The following LSM14A variants were observed in gnomAD, a reference collection of about 807,000 sequenced individuals.
LSM14A encodes the protein LSM14A mRNA processing body assembly factor.
Under a neutral mutation model 52.4 loss-of-function variants are expected in LSM14A, and 14 were observed. That is an observed-to-expected ratio of 0.27 (90% CI 0.18 to 0.42). LSM14A has a LOEUF of 0.42. Among genes scored for constraint, LSM14A ranks in the 10% least tolerant of loss-of-function variants. LSM14A has a pLI of 1.00. For synonymous variants in LSM14A, 185 were observed against 200.3 expected, an observed-to-expected ratio of 0.92 and a Z score of 0.64; for missense variants, 417 against 581.8, an observed-to-expected ratio of 0.72 and a Z score of 2.91.
At chr19:34,174,239 G>A (rs899357267) in intron 1 of LSM14A, among the ~76,000 whole-genome samples, 6 of 152,304 alleles carry the variant, frequency 3.9e-5, no homozygotes, top group African/African-American at 1.4e-4. Flanking sequence ...ATGAGCCACC[G>A]CGCCCAGCCT....
intron 1 of LSM14A, among the ~76,000 whole-genome samples, chr19:34,176,622 G>T (rs2069105990): frequency 6.6e-6 from 1 of 151,886 alleles, no homozygotes; most frequent in Non-Finnish European, 1.5e-5. Context: ...AGCTTTTATT[G>T]TTTCATAATA....
At chr19:34,178,286 T>C (rs971473351) in intron 1 of LSM14A, among the ~76,000 whole-genome samples, 1 of 152,222 alleles carries the variant, frequency 6.6e-6, no homozygotes, top group African/African-American at 2.4e-5. Flanking sequence ...AAATGGTCGA[T>C]GTGCCTTATT....
intron 9 of LSM14A, 44 bp from the exon 10 acceptor site, chr19:34,227,321 A>G: frequency 1.5e-6 from 2 of 1,332,218 alleles, no homozygotes. Flanking sequence ...AAAATAATAC[A>G]CCAATAATTT....
chr19:34,202,815 C>T (rs750798864), intron 3 of LSM14A, among the ~76,000 whole-genome samples: 4 of 152,024 alleles, frequency 2.6e-5, no homozygotes, highest in Non-Finnish European at 4.4e-5. Context: ...CCACCACGCC[C>T]GGGTAATTTT....
chr19:34,219,766 T>G lies in LSM14A; in HGVS notation c.1025T>G (p.Val342Gly). The change falls in exon 8 of 10, where the codon GTT (valine) becomes GGT (glycine). Residue 342 changes from valine to glycine, a missense_variant. Coordinates refer to ENST00000544216, the MANE Select transcript of LSM14A (RefSeq NM_015578.4). Reference protein sequence around the residue: ...VNGEDKGDSGVDTQNSEGNAD... With the variant: ...VNGEDKGDSGGDTQNSEGNAD... ...GGTGAAGATAAAGGAGACTCAGGAG[T>G]TGATACCCAAAACAGTGAAGGAAAT... The G allele has an allele frequency of 1.2e-6, 2 of 1,613,698 alleles. No homozygotes were observed. The highest frequency in any genetic ancestry group is 8.5e-7 in the Non-Finnish European group (1 of 1,179,818).
At chr19:34,180,199 G>A (rs1668697431) in intron 1 of LSM14A, among the ~76,000 whole-genome samples, 1 of 152,206 alleles carries the variant, frequency 6.6e-6, no homozygotes, top group African/African-American at 2.4e-5. Context: ...GATTACAGGT[G>A]TGAGCCACAG....
chr19:34,192,319 G>GTTGTTGTTTTTTTTTTTTTT (rs60512063), intron 1 of LSM14A, among the ~76,000 whole-genome samples: 2 of 53,408 alleles, frequency 3.7e-5, no homozygotes, highest in African/African-American at 8.1e-5. Flanking sequence ...TCTTTTTGTT[G>GTTGTTGTTTTTTTTTTTTTT]TTTTTTTTTT....
In LSM14A at chr19:34,219,689, T is replaced by C. The variant is rs747361621; in HGVS notation, c.965-17T>C. 2.4e-5 allele frequency: 38 copies of C among 1,597,872 alleles called. No homozygotes were observed. Among genetic ancestry groups the C allele is most frequent in the Middle Eastern group, 1.7e-4 (1 of 5,948 alleles). ...ATTAGCTGTCTTGACTTTTCTGATA[T>C]GTGCTTTTGTTCTTAGAAGATAAAC... On this transcript the variant is annotated splice_polypyrimidine_tract_variant and intron_variant, in intron 7 of 9. Coordinates refer to ENST00000544216, the MANE Select transcript of LSM14A (RefSeq NM_015578.4).
intron 4 of LSM14A, among the ~76,000 whole-genome samples, chr19:34,214,901 C>T (rs10420059): frequency 0.35 from 52,641 of 150,140 alleles, 9,652 homozygotes; most frequent in African/African-American, 0.4. Context: ...TGTTTTGAAG[C>T]TGTTGAAGTT....
At chr19:34,181,565 A>C (rs1425385567) in intron 1 of LSM14A, among the ~76,000 whole-genome samples, 12 of 152,062 alleles carry the variant, frequency 7.9e-5, no homozygotes, top group Admixed American at 7.2e-4. Flanking sequence ...TCTGTGAAGC[A>C]TTTTCTTAAC....
rs761597079 is a variant in LSM14A at position 34,221,571 on chromosome 19, C to T, written c.1201C>T (p.Arg401Cys). Residue 401 changes from arginine (R) to cysteine (C), a missense_variant, in exon 9 of 10, where the codon CGT (arginine) becomes TGT (cysteine). Arg to Cys is a radical substitution (Grantham distance 180, BLOSUM62 -3). Transcript: ENST00000544216. ...TGCTGAAACATTTGGAATCCCACTT[C>T]GTCCAAACCGTGGCCGTGGGGGATA... ...LNAETFGIPLRPNRGRGGYRG... is the reference protein window; with the variant it reads ...LNAETFGIPLCPNRGRGGYRG... 3.1e-6 allele frequency: 5 copies of T among 1,614,158 alleles called. No homozygotes were observed. The highest frequency in any genetic ancestry group is 1.7e-4 in the Middle Eastern group (1 of 6,054).
At chr19:34,187,383 A>G (rs972127484) in intron 1 of LSM14A, among the ~76,000 whole-genome samples, 3 of 151,782 alleles carry the variant, frequency 2.0e-5, no homozygotes, top group African/African-American at 7.3e-5. Flanking sequence ...GGTTCAGGCA[A>G]TTCTCATGCC....
intron 2 of LSM14A, among the ~76,000 whole-genome samples, chr19:34,195,579 A>T (rs565978446): frequency 6.6e-6 from 1 of 152,296 alleles, no homozygotes; most frequent in South Asian, 2.1e-4. Context: ...AGGAATTGTA[A>T]ATTTTGTTGC....
At chr19:34,216,165 G>A (rs543597615) in intron 6 of LSM14A, among the ~76,000 whole-genome samples, 21 of 152,218 alleles carry the variant, frequency 1.4e-4, no homozygotes, top group Admixed American at 1.1e-3. Flanking sequence ...TGTAATTCCA[G>A]CACTTTGGGA....
chr19:34,219,739 A>G lies in LSM14A; in HGVS notation c.998A>G (p.Asn333Ser). Reference protein sequence around the residue: ...DKLEKQEKPVNGEDKGDSGVD... With the variant: ...DKLEKQEKPVSGEDKGDSGVD... ...CTTGAGAAACAGGAGAAGCCTGTAA[A>G]TGGTGAAGATAAAGGAGACTCAGGA... The change falls in exon 8 of 10, where the codon AAT (asparagine) becomes AGT (serine). Residue 333 changes from asparagine (N) to serine (S), a missense_variant. By Grantham distance (46) the Asn-to-Ser change is conservative (BLOSUM62 1). Around this residue, in one of 2 missense-constraint regions of LSM14A, gnomAD observed 357 missense variants for 457.0 expected, o/e 0.78. Transcript: ENST00000544216. 1 of 1,612,658 alleles carries G rather than the reference A, an allele frequency of 6.2e-7. No homozygotes were observed. Among genetic ancestry groups the G allele is most frequent in the Non-Finnish European group, 8.5e-7 (1 of 1,179,694 alleles).
At chr19:34,178,833 G>A (rs1405136932) in intron 1 of LSM14A, among the ~76,000 whole-genome samples, 2 of 152,150 alleles carry the variant, frequency 1.3e-5, no homozygotes, top group Admixed American at 6.5e-5. Context: ...ATGAAATCTA[G>A]TGACATAATT....
chr19:34,174,618 C>T (rs981249563), intron 1 of LSM14A, among the ~76,000 whole-genome samples: 7 of 152,068 alleles, frequency 4.6e-5, no homozygotes, highest in Non-Finnish European at 1.0e-4. Flanking sequence ...TCTTAAGTAA[C>T]TTAGTTTTTG....
chr19:34,181,705 T>C (rs2069494306), intron 1 of LSM14A, among the ~76,000 whole-genome samples: 1 of 152,196 alleles, frequency 6.6e-6, no homozygotes, highest in Admixed American at 6.5e-5. Flanking sequence ...TCTCTCTGTC[T>C]GTTAACATTT....
intron 2 of LSM14A, 51 bp downstream of exon 2, chr19:34,194,692 T>G: frequency 2.0e-5 from 32 of 1,567,186 alleles, no homozygotes; most frequent in Non-Finnish European, 2.7e-5. Context: ...CGCACAGGGT[T>G]AGCCTTGGCT....
Sources: allele counts gnomAD v4.1 joint callset (sites outside exome capture counted in the v4.1 genomes callset), GRCh38; gene constraint gnomAD v4.1.1; regional missense constraint gnomAD v4.1.1; transcripts MANE v1.5; gene names NCBI Gene and HGNC (gene_info 2026-07-23, HGNC 2026-07-21).